The following GABRA4 variants were observed in gnomAD, a reference collection of about 807,000 sequenced individuals.
The protein encoded by GABRA4 is gamma-aminobutyric acid type A receptor subunit alpha4.
A neutral mutation model predicts 49.7 loss-of-function variants in GABRA4; 12 were observed. The observed-to-expected ratio is 0.24, with a 90% confidence interval of 0.15 to 0.39. The LOEUF (loss-of-function observed/expected upper bound fraction) is 0.39, where lower values mean the gene tolerates loss of function less well. GABRA4 is among the 10% of genes least tolerant of loss of function. The probability of loss-of-function intolerance (pLI) is 1.00; values close to 1 mark genes in which losing one functional copy is unlikely to be tolerated. For synonymous variants in GABRA4, 288 were observed against 240.2 expected, an observed-to-expected ratio of 1.20 and a Z score of -1.84; for missense variants, 506 against 686.0, an observed-to-expected ratio of 0.74 and a Z score of 2.93.
chr4:46,930,635 A>AT (rs5858045), intron 8 of GABRA4, among the ~76,000 whole-genome samples: 2,859 of 150,868 alleles, frequency 0.019, 43 homozygotes, highest in Middle Eastern at 0.027. Flanking sequence ...AAAGAAATAC[A>AT]TTTTTTTTTC....
rs1721172231 is a variant in GABRA4 at position 46,925,132 on chromosome 4, A to C, written c.*3093T>G. 1 of 151,954 alleles carries C rather than the reference A, an allele frequency of 6.6e-6. No individual in the cohort carries two copies. The highest frequency in any genetic ancestry group is 2.4e-5 in the African/African-American group (1 of 41,416). 9.4% of individuals were successfully genotyped at this position (151,954 alleles called of 1,614,324 possible). A position where few individuals can be genotyped will look rare whatever the true frequency, so the allele number is the denominator to read the frequency against. The stretch of plus-strand genomic sequence containing the variant: ...TTTGTTTGAAAAGGGGTCACTTTTA[A>C]GGTGAGATTATTGAAAAATGACCTT... On this transcript the variant is annotated 3_prime_UTR_variant, in exon 9 of 9. Transcript: ENST00000264318.
chr4:46,958,865 T>C (rs547531648), intron 8 of GABRA4, among the ~76,000 whole-genome samples: 41 of 151,946 alleles, frequency 2.7e-4, no homozygotes, highest in African/African-American at 9.4e-4. Flanking sequence ...TACCCAAAGG[T>C]CTACTGAAAT....
At position 46,928,256 on chromosome 4, in the gene GABRA4, T is replaced by A. The variant is rs1317377205; in HGVS notation, c.1634A>T (p.Asp545Val). The A allele has an allele frequency of 6.2e-7, 1 of 1,612,120 alleles. No individual in the cohort carries two copies. The highest frequency in any genetic ancestry group is 1.3e-5 in the African/African-American group (1 of 74,850). ...MVYWVVYLSK[D>V]TMEKSESLM is the part of the protein sequence containing the mutation. ...TAGACTTTCTGATTTCTCCATAGTG[T>A]CCTTAGATAAATAAACAACCCAATA... is the stretch of plus-strand genomic sequence containing the variant. The change falls in exon 9 of 9, where the codon GAC becomes GTC. Residue 545 changes from aspartate to valine, a missense_variant. Around this residue, in one of 5 missense-constraint regions of GABRA4, gnomAD observed 29 missense variants for 25.1 expected, o/e 1.16. Transcript: ENST00000264318.
chr4:46,977,978 G>A (rs1723206109), intron 3 of GABRA4, among the ~76,000 whole-genome samples: 1 of 152,008 alleles, frequency 6.6e-6, no homozygotes, highest in African/African-American at 2.4e-5. Context: ...CAGTTAAAGT[G>A]TAAAAAATAT....
chr4:46,978,455 A>C (rs984530644), intron 3 of GABRA4, among the ~76,000 whole-genome samples: 1 of 151,932 alleles, frequency 6.6e-6, no homozygotes, highest in East Asian at 1.9e-4. Context: ...TGGGAGACTA[A>C]GGTGAGAGGA....
intron 2 of GABRA4, among the ~76,000 whole-genome samples, chr4:46,983,930 TG>T (rs1723443529): frequency 6.6e-6 from 1 of 152,052 alleles, no homozygotes; most frequent in Non-Finnish European, 1.5e-5. Context: ...CAACAGTTTT[TG>T]GGAAAGAAAG....
chr4:46,980,044 ATCT>A (rs146269866), intron 2 of GABRA4, among the ~76,000 whole-genome samples: 5,956 of 152,186 alleles, frequency 0.039, 169 homozygotes, highest in Non-Finnish European at 0.062. Flanking sequence ...TGGTTCTAAC[ATCT>A]TCTAGTAATA....
chr4:46,992,421 A>G (rs921745974), intron 2 of GABRA4, among the ~76,000 whole-genome samples: 7 of 152,218 alleles, frequency 4.6e-5, no homozygotes, highest in Non-Finnish European at 8.8e-5. Context: ...ATAGGCATGG[A>G]CACGTGGGAG....
intron 8 of GABRA4, among the ~76,000 whole-genome samples, chr4:46,950,641 A>C (rs1218790996): frequency 6.6e-6 from 1 of 151,750 alleles, no homozygotes; most frequent in Non-Finnish European, 1.5e-5. Flanking sequence ...CAGCATGTGA[A>C]AGTTAAGTGC....
At chr4:46,953,613 G>T (rs1429386590) in intron 8 of GABRA4, among the ~76,000 whole-genome samples, 2 of 152,062 alleles carry the variant, frequency 1.3e-5, no homozygotes, top group Non-Finnish European at 2.9e-5. Context: ...AAAATTAATT[G>T]GTGATTTTTA....
intron 8 of GABRA4, among the ~76,000 whole-genome samples, chr4:46,951,798 G>A (rs1413711673): frequency 2.3e-4 from 8 of 34,120 alleles, no homozygotes; most frequent in South Asian, 2.0e-3. Context: ...GTGTGTACGT[G>A]TGTGTGTGTG....
intron 8 of GABRA4, among the ~76,000 whole-genome samples, chr4:46,963,675 T>A (rs1000658115): frequency 6.6e-6 from 1 of 151,750 alleles, no homozygotes; most frequent in Non-Finnish European, 1.5e-5. Context: ...AAAGAAGACA[T>A]GGAAATTGTA....
intron 8 of GABRA4, among the ~76,000 whole-genome samples, chr4:46,948,748 G>A (rs985280255): frequency 1.3e-5 from 2 of 151,954 alleles, no homozygotes; most frequent in African/African-American, 2.4e-5. Context: ...ATGATGAAAC[G>A]TTAAGGTATC....
At chr4:46,932,116 T>C (rs1256606623) in intron 8 of GABRA4, among the ~76,000 whole-genome samples, 1 of 152,100 alleles carries the variant, frequency 6.6e-6, no homozygotes, top group East Asian at 1.9e-4. Context: ...CATTCTGGGA[T>C]ACTTAGAAGA....
At chr4:46,953,974 A>G (rs1285992128) in intron 8 of GABRA4, among the ~76,000 whole-genome samples, 3 of 152,088 alleles carry the variant, frequency 2.0e-5, no homozygotes, top group Non-Finnish European at 4.4e-5. Context: ...CTTAACAGCT[A>G]TGTAATTCTG....
intron 8 of GABRA4, among the ~76,000 whole-genome samples, chr4:46,950,351 ATC>A (rs1255775148): frequency 6.6e-6 from 1 of 152,070 alleles, no homozygotes; most frequent in African/African-American, 2.4e-5. Context: ...CTCAGCCTAA[ATC>A]TCTGTCTTCA....
At chr4:46,952,455 A>G (rs558979301) in intron 8 of GABRA4, among the ~76,000 whole-genome samples, 2 of 152,152 alleles carry the variant, frequency 1.3e-5, no homozygotes, top group South Asian at 4.2e-4. Context: ...ATACATAAAA[A>G]TTTTCTTTTT....
At chr4:46,960,741 A>G (rs575406498) in intron 8 of GABRA4, among the ~76,000 whole-genome samples, 1 of 151,810 alleles carries the variant, frequency 6.6e-6, no homozygotes, top group Non-Finnish European at 1.5e-5. Flanking sequence ...AGGAAATCTT[A>G]TTGCAATAAG....
At chr4:46,938,452 A>G (rs2109344840) in intron 8 of GABRA4, among the ~76,000 whole-genome samples, 1 of 152,224 alleles carries the variant, frequency 6.6e-6, no homozygotes, top group South Asian at 2.1e-4. Flanking sequence ...ACAATCATTT[A>G]TCAAGGTGGG....
Sources: allele counts gnomAD v4.1 joint callset (sites outside exome capture counted in the v4.1 genomes callset), GRCh38; gene constraint gnomAD v4.1.1; regional missense constraint gnomAD v4.1.1; transcripts MANE v1.5; gene names NCBI Gene and HGNC (gene_info 2026-07-23, HGNC 2026-07-21).